ATRNL1: variants seen among roughly 807,000 people sequenced by gnomAD.
ATRNL1 encodes the protein attractin-like protein 1.
ATRNL1 carries 95 observed loss-of-function variants against 182.7 expected under a neutral mutation model. The observed-to-expected ratio is 0.52, with a 90% confidence interval of 0.44 to 0.62. The LOEUF is 0.62. ATRNL1 is among the 20% of genes least tolerant of loss of function. The probability of loss-of-function intolerance (pLI) is 0.00; values close to 1 mark genes in which losing one functional copy is unlikely to be tolerated. For missense variants in ATRNL1, 1,471 were observed against 1,679.5 expected (o/e 0.88, Z 2.17); for synonymous variants, 576 against 568.3 (o/e 1.01, Z -0.19).
intron 5 of ATRNL1, among the ~76,000 whole-genome samples, chr10:115,146,657 A>G (rs1554879435): frequency 2.6e-5 from 4 of 151,984 alleles, no homozygotes; most frequent in Non-Finnish European, 5.9e-5. Context: ...CCATCATTCT[A>G]TTCTATACCT....
intron 19 of ATRNL1, among the ~76,000 whole-genome samples, chr10:115,356,553 C>T (rs1047192039): frequency 3.3e-5 from 5 of 151,858 alleles, no homozygotes; most frequent in Admixed American, 2.6e-4. Flanking sequence ...TTTAGCATGC[C>T]TTCATTATGG....
intron 8 of ATRNL1, among the ~76,000 whole-genome samples, chr10:115,209,260 C>T (rs1016808749): frequency 6.6e-6 from 1 of 151,654 alleles, no homozygotes; most frequent in African/African-American, 2.4e-5. Context: ...TTACTTCCTA[C>T]ATCTTGTGTC....
At chr10:115,830,706 C>T (rs1244098775) in intron 27 of ATRNL1, among the ~76,000 whole-genome samples, 1 of 152,156 alleles carries the variant, frequency 6.6e-6, no homozygotes, top group Non-Finnish European at 1.5e-5. Flanking sequence ...GAACCACAAG[C>T]ATTTGGCAGC....
At chr10:115,148,751 T>G (rs1204952645) in intron 5 of ATRNL1, among the ~76,000 whole-genome samples, 3 of 149,656 alleles carry the variant, frequency 2.0e-5, no homozygotes, top group Non-Finnish European at 4.5e-5. Flanking sequence ...TGCGTTTTTT[T>G]TTTTTTTTTT....
chr10:115,509,280 G>A (rs1203453696), intron 24 of ATRNL1, among the ~76,000 whole-genome samples: 1 of 151,988 alleles, frequency 6.6e-6, no homozygotes, highest in East Asian at 1.9e-4. Flanking sequence ...TGATGTGTAA[G>A]GAGATTAATG....
At chr10:115,713,098 A>G (rs1164955251) in intron 26 of ATRNL1, among the ~76,000 whole-genome samples, 1 of 152,026 alleles carries the variant, frequency 6.6e-6, no homozygotes, top group African/African-American at 2.4e-5. Context: ...GTATGTCTCT[A>G]TGACTTTACT....
chr10:115,609,196 T>C (rs538812953), intron 26 of ATRNL1, among the ~76,000 whole-genome samples: 1 of 152,296 alleles, frequency 6.6e-6, no homozygotes, highest in East Asian at 1.9e-4. Context: ...GAGTCTTCAC[T>C]CTGTCAAAAT....
At chr10:115,127,787 T>G in intron 4 of ATRNL1, 66 bp downstream of exon 4, 2 of 1,186,744 alleles carry the variant, frequency 1.7e-6, no homozygotes, top group Non-Finnish European at 2.2e-6. Flanking sequence ...GAGGTTTTTT[T>G]TGTTTATTTT....
At chr10:115,696,486 CA>C (rs1946563246) in intron 26 of ATRNL1, among the ~76,000 whole-genome samples, 1 of 152,070 alleles carries the variant, frequency 6.6e-6, no homozygotes, top group Non-Finnish European at 1.5e-5. Flanking sequence ...CAAAACAAAA[CA>C]AAATAATAGG....
At chr10:115,331,173 C>A (rs1855199896) in intron 18 of ATRNL1, among the ~76,000 whole-genome samples, 1 of 152,102 alleles carries the variant, frequency 6.6e-6, no homozygotes, top group Admixed American at 6.6e-5. Flanking sequence ...CATTCTCCTG[C>A]CTCAGCCTCC....
intron 19 of ATRNL1, among the ~76,000 whole-genome samples, chr10:115,387,922 T>A (rs539199612): frequency 6.6e-6 from 1 of 152,322 alleles, no homozygotes; most frequent in South Asian, 2.1e-4. Context: ...TATAGTATCG[T>A]CATCATCACT....
In ATRNL1 at chr10:115,875,915, A is replaced by G. The variant is rs144729410; in HGVS notation, c.4018+27924A>G. On this transcript the variant is annotated intron_variant, in intron 28 of 28. Coordinates refer to ENST00000355044, the MANE Select transcript of ATRNL1 (RefSeq NM_207303.4). Reference sequence around the variant, plus strand: ...GTTCCTGAGTAAATAATATTCTAGCAGAAACTTTGAAGGATGACTGGGAAT... The same window carrying G: ...GTTCCTGAGTAAATAATATTCTAGCGGAAACTTTGAAGGATGACTGGGAAT... Among the ~76,000 whole-genome samples, 78 of 152,332 alleles carry G rather than the reference A, an allele frequency of 5.1e-4. 1 individual carries two copies. The highest frequency in any genetic ancestry group is 1.8e-3 in the African/African-American group (74 of 41,574).
intron 27 of ATRNL1, among the ~76,000 whole-genome samples, chr10:115,831,690 T>G (rs1390595722): frequency 6.6e-6 from 1 of 152,124 alleles, no homozygotes; most frequent in African/African-American, 2.4e-5. Context: ...CTCAGAACCT[T>G]AGTTTTGTCA....
At chr10:115,235,495 T>C (rs1001773070) in intron 9 of ATRNL1, among the ~76,000 whole-genome samples, 8 of 152,268 alleles carry the variant, frequency 5.3e-5, no homozygotes, top group Admixed American at 3.3e-4. Flanking sequence ...TGGCCTCCTG[T>C]GTGTGGCTTC....
chr10:115,226,422 TA>T (rs1554898693), intron 9 of ATRNL1, among the ~76,000 whole-genome samples: 3 of 151,922 alleles, frequency 2.0e-5, no homozygotes, highest in Non-Finnish European at 4.4e-5. Context: ...TTTATATGTC[TA>T]AAAAGTCAGT....
chr10:115,939,708 G>A (rs1264353682), intron 28 of ATRNL1, among the ~76,000 whole-genome samples: 2 of 152,106 alleles, frequency 1.3e-5, no homozygotes, highest in Non-Finnish European at 2.9e-5. Context: ...TTTGTGTGAC[G>A]TCTTGAAAAA....
At chr10:115,692,259 G>A (rs1946417718) in intron 26 of ATRNL1, among the ~76,000 whole-genome samples, 1 of 152,124 alleles carries the variant, frequency 6.6e-6, no homozygotes, top group Admixed American at 6.5e-5. Flanking sequence ...TGCCTGATGG[G>A]ACCCTATTGC....
rs568102452 is a variant in ATRNL1, at chr10:115,567,540, A to G, written c.3795+18004A>G. Among the ~76,000 whole-genome samples the G allele has an allele frequency of 2.0e-4, 31 of 152,234 alleles. No homozygotes were observed. The South Asian group carries it at 6.2e-3, about 31-fold the overall frequency. On this transcript the variant is annotated intron_variant, in intron 26 of 28. Transcript: ENST00000355044. ...TTTAGCCAGGGATGGCATGCATGCTAGCAACCTATTAAAAGATGAAGAATT... is the reference window on the plus strand; with the variant it reads ...TTTAGCCAGGGATGGCATGCATGCTGGCAACCTATTAAAAGATGAAGAATT...
intron 26 of ATRNL1, among the ~76,000 whole-genome samples, chr10:115,635,781 G>A (rs1858831526): frequency 6.6e-6 from 1 of 152,052 alleles, no homozygotes. Flanking sequence ...GTAATGGTAT[G>A]TTCTCACAAT....
Sources: gnomAD v4.1 joint callset for allele counts (sites outside exome capture counted in the v4.1 genomes callset) on GRCh38, gnomAD v4.1.1 for gene constraint, MANE v1.5 for transcripts, NCBI Gene and HGNC (gene_info 2026-07-23, HGNC 2026-07-21) for gene names.